LPP: variants seen among roughly 807,000 people sequenced by gnomAD.
LPP encodes LIM domain containing preferred translocation partner in lipoma, also known as lipoma-preferred partner.
In LPP, 38 loss-of-function variants were observed where a neutral mutation model predicts 60.4. The ratio of observed to expected loss-of-function variants is 0.63; its 90% confidence interval spans 0.49 to 0.83. LPP has a LOEUF of 0.83. Ranked by LOEUF, LPP falls within the 40% of genes least tolerant of loss-of-function variation. The pLI is 0.00. For missense variants in LPP, 902 were observed against 783.6 expected, an observed-to-expected ratio of 1.15 and a Z score of -1.80; for synonymous variants, 328 against 290.8, an observed-to-expected ratio of 1.13 and a Z score of -1.30.
chr3:188,584,399 G>T (rs1295000032), intron 6 of LPP: 1 of 152,108 alleles, frequency 6.6e-6, no homozygotes, highest in Admixed American at 6.5e-5. Flanking sequence ...CGTAGGTTGC[G>T]AAAGTGATTA....
intron 6 of LPP, among the ~76,000 whole-genome samples, chr3:188,602,044 G>C (rs1841300484): frequency 1.4e-5 from 2 of 141,728 alleles, no homozygotes; most frequent in Non-Finnish European, 3.1e-5. Flanking sequence ...CTCCAGCCTG[G>C]GTGACAGAGC....
At chr3:188,637,338 A>G in intron 7 of LPP, among the ~76,000 whole-genome samples, 1 of 151,022 alleles carries the variant, frequency 6.6e-6, no homozygotes, top group African/African-American at 2.5e-5. Context: ...ACAACATACC[A>G]GAGTCTCTGG....
At chr3:188,270,064 A>C (rs771756505) in intron 2 of LPP, among the ~76,000 whole-genome samples, 5 of 152,094 alleles carry the variant, frequency 3.3e-5, no homozygotes, top group Non-Finnish European at 5.9e-5. Flanking sequence ...AAGCAAAACT[A>C]ATCTGTGGTA....
At chr3:188,258,530 A>G (rs1234583669) in intron 2 of LPP, among the ~76,000 whole-genome samples, 1 of 152,188 alleles carries the variant, frequency 6.6e-6, no homozygotes, top group Non-Finnish European at 1.5e-5. Flanking sequence ...TATGTTGCCT[A>G]GGCTGGTCTC....
intron 3 of LPP, among the ~76,000 whole-genome samples, chr3:188,404,296 G>C (rs1278901286): frequency 6.6e-6 from 1 of 152,222 alleles, no homozygotes; most frequent in Non-Finnish European, 1.5e-5. Context: ...CCAAGCTGGA[G>C]TACAGTGGTG....
At chr3:188,420,372 A>C (rs942592001) in intron 4 of LPP, among the ~76,000 whole-genome samples, 1 of 152,200 alleles carries the variant, frequency 6.6e-6, no homozygotes, top group Non-Finnish European at 1.5e-5. Flanking sequence ...CTATTGAACT[A>C]TAAGTACAGT....
intron 7 of LPP, among the ~76,000 whole-genome samples, chr3:188,636,221 G>C (rs1039665559): frequency 6.6e-6 from 1 of 152,222 alleles, no homozygotes; most frequent in East Asian, 1.9e-4. Context: ...AGCCGAAGCA[G>C]GGCGAGGCAT....
intron 4 of LPP, among the ~76,000 whole-genome samples, chr3:188,466,928 C>T (rs1028062278): frequency 6.9e-6 from 1 of 145,488 alleles, no homozygotes; most frequent in African/African-American, 2.5e-5. Flanking sequence ...CCCGCCCCCC[C>T]GCCTTTATGG....
chr3:188,644,621 A>T (rs1046873064), intron 7 of LPP, among the ~76,000 whole-genome samples: 4 of 151,358 alleles, frequency 2.6e-5, no homozygotes, highest in African/African-American at 9.7e-5. Flanking sequence ...TCCAAGCTTT[A>T]AAAAAAAAGT....
chr3:188,498,354 T>C (rs1054020914), intron 5 of LPP, among the ~76,000 whole-genome samples: 1 of 152,102 alleles, frequency 6.6e-6, no homozygotes, highest in African/African-American at 2.4e-5. Flanking sequence ...TAACCCCCCA[T>C]TCCACTCTCA....
chr3:188,793,533 C>T (rs1744466682), intron 9 of LPP, among the ~76,000 whole-genome samples: 1 of 152,122 alleles, frequency 6.6e-6, no homozygotes, highest in Admixed American at 6.5e-5. Context: ...GCGATCTAAC[C>T]TGTCATTTCA....
chr3:188,396,567 G>A lies in LPP; in HGVS notation c.-9-9545G>A, dbSNP rs13091369. 2.6e-4 allele frequency among the ~76,000 whole-genome samples: 39 copies of A among 152,318 alleles called. No homozygotes were observed. In the East Asian group the frequency reaches 4.4e-3, roughly 17 times the overall value. ...TAGAAATAGAAGATGCTAGATAACCGTTAAAGAGATTGCTAGGTCTCATTA... is the reference window on the plus strand; with the variant it reads ...TAGAAATAGAAGATGCTAGATAACCATTAAAGAGATTGCTAGGTCTCATTA... On this transcript the variant is annotated intron_variant, in intron 3 of 11. Transcript: ENST00000617246.
chr3:188,426,675 T>C (rs1020020801), intron 4 of LPP, among the ~76,000 whole-genome samples: 2 of 152,166 alleles, frequency 1.3e-5, no homozygotes, highest in African/African-American at 4.8e-5. Context: ...GTTAGCCCTT[T>C]TTGTTGCGTT....
At chr3:188,498,537 T>C (rs1810913400) in intron 5 of LPP, among the ~76,000 whole-genome samples, 1 of 152,232 alleles carries the variant, frequency 6.6e-6, no homozygotes, top group Admixed American at 6.5e-5. Context: ...ATATATGTCA[T>C]GTTCTGCTTA....
At chr3:188,734,048 CTTA>C (rs1001945786) in intron 8 of LPP, among the ~76,000 whole-genome samples, 1 of 151,772 alleles carries the variant, frequency 6.6e-6, no homozygotes, top group African/African-American at 2.4e-5. Flanking sequence ...TAACGTTTGC[CTTA>C]TTATTTTATA....
intron 7 of LPP, among the ~76,000 whole-genome samples, chr3:188,693,727 A>G (rs772014030): frequency 2.8e-4 from 43 of 152,198 alleles, no homozygotes; most frequent in Admixed American, 5.2e-4. Flanking sequence ...AATAACAGCA[A>G]TGATTTTCAC....
At chr3:188,705,571 A>G (rs1865320718) in intron 7 of LPP, among the ~76,000 whole-genome samples, 1 of 152,066 alleles carries the variant, frequency 6.6e-6, no homozygotes, top group Admixed American at 6.6e-5. Context: ...GTTTATGCAA[A>G]TACCTATCAA....
chr3:188,369,331 A>G (rs1354669499), intron 3 of LPP, among the ~76,000 whole-genome samples: 2 of 152,030 alleles, frequency 1.3e-5, no homozygotes, highest in Non-Finnish European at 2.9e-5. Flanking sequence ...GAAGATGCTA[A>G]TGTACTTGTG....
intron 2 of LPP, among the ~76,000 whole-genome samples, chr3:188,296,890 A>G (rs1748086372): frequency 6.6e-6 from 1 of 152,198 alleles, no homozygotes; most frequent in African/African-American, 2.4e-5. Flanking sequence ...TCCAAACTCA[A>G]TAATTGGGTA....
Sources: gnomAD v4.1 joint callset for allele counts (sites outside exome capture counted in the v4.1 genomes callset) on GRCh38, gnomAD v4.1.1 for gene constraint, MANE v1.5 for transcripts, NCBI Gene and HGNC (gene_info 2026-07-23, HGNC 2026-07-21) for gene names.